The following ATAD5 variants were observed in gnomAD, a reference collection of about 807,000 sequenced individuals.
The protein encoded by ATAD5 is ATPase family AAA domain containing 5.
In ATAD5, 58 loss-of-function variants were observed where a neutral mutation model predicts 176.9. That is an observed-to-expected ratio of 0.33 (90% confidence interval 0.27 to 0.41). The LOEUF (loss-of-function observed/expected upper bound fraction) is 0.41. Among genes scored for constraint, ATAD5 ranks in the 10% least tolerant of loss-of-function variants. The pLI is 1.00. For synonymous variants in ATAD5, 640 were observed against 712.6 expected (o/e 0.90, Z 1.62); for missense variants, 1,789 against 2,094.1 (o/e 0.85, Z 2.84).
intron 7 of ATAD5, among the ~76,000 whole-genome samples, chr17:30,856,591 G>C (rs979537195): frequency 6.6e-6 from 1 of 152,126 alleles, no homozygotes; most frequent in African/African-American, 2.4e-5. Context: ...TGGGATTGCT[G>C]GTCTCGAACT....
At position 30,832,035 on chromosome 17, in the gene ATAD5, C is replaced by G. The variant is rs1334003321; in HGVS notation, c.-313C>G. 1 of 374,808 alleles carries G rather than the reference C, an allele frequency of 2.7e-6. No individual in the cohort carries two copies. The highest frequency in any genetic ancestry group is 4.7e-6 in the Non-Finnish European group (1 of 211,488). 23.2% of individuals were successfully genotyped at this position (374,808 alleles called of 1,614,324 possible). The stretch of plus-strand genomic sequence containing the variant: ...GAAGCTCTGTGGTCCGATCTGCGGT[C>G]CGCTTGCTTTCCCTGCCCGGTCCCG... On this transcript the variant is annotated 5_prime_UTR_variant, in exon 1 of 23. Coordinates refer to ENST00000321990, the MANE Select transcript of ATAD5 (RefSeq NM_024857.5).
At position 30,832,357 on chromosome 17, in the gene ATAD5, G is replaced by A. The variant is rs762253259; in HGVS notation, c.10G>A (p.Val4Ile). Residue 4 changes from valine (V) to isoleucine (I), a missense_variant, in exon 1 of 23, where the codon GTC becomes ATC. Val to Ile is a conservative substitution (Grantham distance 29). Around this residue, in one of 6 missense-constraint regions of ATAD5, gnomAD observed 696 missense variants for 712.5 expected, o/e 0.98. Coordinates refer to ENST00000321990, the MANE Select transcript of ATAD5 (RefSeq NM_024857.5). MVG[V>I]LAMAAAAAPP... ...CCGGGAAGCGGGGAGTATGGTGGGG[G>A]TCCTGGCCATGGCGGCTGCAGCTGC... 3.2e-6 allele frequency: 5 copies of A among 1,563,212 alleles called. No homozygotes were observed. The South Asian group carries it at 3.6e-5, about 11-fold the overall frequency.
At chr17:30,860,685 A>C (rs985107073) in intron 10 of ATAD5, 73 bp downstream of exon 10, 1 of 1,259,798 alleles carries the variant, frequency 7.9e-7, no homozygotes. Flanking sequence ...AAAGCAGTAG[A>C]AGATTTTGAT....
In ATAD5 at chr17:30,855,165, C is replaced by G. The variant is rs1907218521; in HGVS notation, c.2473C>G (p.Gln825Glu). ...AAGTCAAGATACATCTGAAAAATCT[C>G]AGGATTGTGATGTTCAATGTAAAGC... is the stretch of plus-strand genomic sequence containing the variant. ...ESSQDTSEKSQDCDVQCKAKR... is the reference protein window; with the variant it reads ...ESSQDTSEKSEDCDVQCKAKR... Residue 825 changes from glutamine to glutamate, a missense_variant, in exon 7 of 23, where the codon CAG becomes GAG. Around this residue, in one of 6 missense-constraint regions of ATAD5, gnomAD observed 487 missense variants for 573.6 expected, o/e 0.85. Coordinates refer to ENST00000321990, the MANE Select transcript of ATAD5 (RefSeq NM_024857.5). 3.1e-6 allele frequency: 5 copies of G among 1,602,052 alleles called. No homozygotes were observed. Among genetic ancestry groups the G allele is most frequent in the Non-Finnish European group, 4.2e-6 (5 of 1,176,548 alleles).
intron 14 of ATAD5, among the ~76,000 whole-genome samples, chr17:30,871,136 C>CTATT (rs78459912): frequency 0.23 from 33,948 of 147,554 alleles, 5,991 homozygotes; most frequent in African/African-American, 0.5. Flanking sequence ...GTTGTTATTA[C>CTATT]TATTCAAGTT....
chr17:30,844,747 CAAAAAAAAAA>C lies in ATAD5; in HGVS notation c.2369-72_2369-63del, dbSNP rs569986111. On this transcript the variant is annotated intron_variant, in intron 5 of 22. Coordinates refer to ENST00000321990, the MANE Select transcript of ATAD5 (RefSeq NM_024857.5). ...TGGGCTACAGAGTGAGACTCCATCT[CAAAAAAAAAA>C]AAAAAAAAAAAAAAAGAAAGTAGCT... 19 of 346,990 alleles carry C rather than the reference CAAAAAAAAAA, an allele frequency of 5.5e-5. 1 individual carries two copies. Among genetic ancestry groups the C allele is most frequent in the South Asian group, 1.6e-4 (7 of 44,542 alleles). The allele number at this position is 346,990 out of a possible 1,614,324, so 21.5% of individuals were successfully genotyped here.
At chr17:30,887,454 T>C in intron 19 of ATAD5, 82 bp downstream of exon 19, 1 of 1,196,200 alleles carries the variant, frequency 8.4e-7, no homozygotes, top group Non-Finnish European at 1.2e-6. Flanking sequence ...CAGTGGCTCA[T>C]GCCTGTAATC....
Position 30,835,095 on chromosome 17 carries a change from A to C in ATAD5, c.1014A>C (p.Lys338Asn). 1.9e-6 allele frequency: 3 copies of C among 1,614,146 alleles called. No individual in the cohort carries two copies. The highest frequency in any genetic ancestry group is 2.5e-6 in the Non-Finnish European group (3 of 1,180,018). Residue 338 changes from lysine (K) to asparagine (N), a missense_variant, in exon 2 of 23, where the codon AAA (lysine) becomes AAC (asparagine). Coordinates refer to ENST00000321990, the MANE Select transcript of ATAD5 (RefSeq NM_024857.5). ...VHPIPPKKTG[K>N]IPRIFLKQKQ... ...CTATTCCGCCCAAAAAGACAGGGAAAATACCCCGAATTTTCTTGAAACAAA... is the reference window on the plus strand; with the variant it reads ...CTATTCCGCCCAAAAAGACAGGGAACATACCCCGAATTTTCTTGAAACAAA...
intron 14 of ATAD5, among the ~76,000 whole-genome samples, chr17:30,873,586 G>A (rs1014220892): frequency 6.6e-6 from 1 of 151,914 alleles, no homozygotes; most frequent in Admixed American, 6.6e-5. Context: ...TTGAAGTGCT[G>A]GGATTACAGG....
In ATAD5 at chr17:30,873,598, G is replaced by A. The variant is rs139877897; in HGVS notation, c.3608-2776G>A. On this transcript the variant is annotated intron_variant, in intron 14 of 22. Coordinates refer to ENST00000321990, the MANE Select transcript of ATAD5 (RefSeq NM_024857.5). ...TTCTTGAAGTGCTGGGATTACAGGC[G>A]TGAGCCACTGTGCCTGGCCAATTTT... Among the ~76,000 whole-genome samples, 357 of 151,900 alleles carry A rather than the reference G, an allele frequency of 2.4e-3. 1 individual carries two copies. The highest frequency in any genetic ancestry group is 8.0e-3 in the African/African-American group (333 of 41,430).
intron 20 of ATAD5, among the ~76,000 whole-genome samples, 177 bp from the exon 21 acceptor site, chr17:30,893,117 A>C (rs1021943045): frequency 2.0e-5 from 3 of 152,164 alleles, no homozygotes; most frequent in African/African-American, 7.2e-5. Flanking sequence ...AATCGTCTAA[A>C]TTTAATTTTT....
intron 19 of ATAD5, among the ~76,000 whole-genome samples, chr17:30,889,251 C>T (rs1308697938): frequency 1.3e-5 from 2 of 148,796 alleles, no homozygotes; most frequent in African/African-American, 4.9e-5. Context: ...TCATAATGCA[C>T]AGCCCTGAAC....
At chr17:30,844,575 C>A (rs1356630879) in intron 5 of ATAD5, among the ~76,000 whole-genome samples, 2 of 135,402 alleles carry the variant, frequency 1.5e-5, no homozygotes, top group Non-Finnish European at 3.1e-5. Flanking sequence ...GTGACAGAGT[C>A]TTGCTCTACT....
intron 19 of ATAD5, 27 bp from the exon 20 acceptor site, chr17:30,892,580 G>C: frequency 1.3e-6 from 2 of 1,494,958 alleles, no homozygotes; most frequent in Non-Finnish European, 1.8e-6. Context: ...TACATATATA[G>C]AGCTAAGATT....
chr17:30,843,652 A>G (rs1458768296), intron 4 of ATAD5, among the ~76,000 whole-genome samples: 1 of 151,074 alleles, frequency 6.6e-6, no homozygotes, highest in Non-Finnish European at 1.5e-5. Context: ...TCCATTTCAA[A>G]AAAAAAAAAA....
intron 14 of ATAD5, among the ~76,000 whole-genome samples, chr17:30,872,674 GC>G (rs2142405648): frequency 6.6e-6 from 1 of 151,656 alleles, no homozygotes; most frequent in African/African-American, 2.4e-5. Context: ...TCCTGCCTCA[GC>G]CTCTTAAGTA....
At chr17:30,843,818 T>C in intron 4 of ATAD5, 95 bp from the exon 5 acceptor site, 1 of 718,620 alleles carries the variant, frequency 1.4e-6, no homozygotes. Flanking sequence ...CTGCTAATTA[T>C]GTTTTCTGTG....
chr17:30,845,144 A>T (rs940955596), intron 6 of ATAD5, among the ~76,000 whole-genome samples: 1 of 152,210 alleles, frequency 6.6e-6, no homozygotes, highest in Non-Finnish European at 1.5e-5. Flanking sequence ...AACCAAAAAT[A>T]CAAAAAAGCT....
At position 30,878,000 on chromosome 17, in the gene ATAD5, T is replaced by C. The variant is rs1470431855; in HGVS notation, c.3919-3T>C. The C allele has an allele frequency of 6.9e-6, 11 of 1,590,172 alleles. No homozygotes were observed. In the Admixed American group the frequency reaches 8.4e-5, roughly 12 times the overall value. On this transcript the variant is annotated splice_region_variant and splice_polypyrimidine_tract_variant and intron_variant, in intron 16 of 22. Transcript: ENST00000321990. ...AATATATTAATATTCTAATAAACTGTAGGTTGATGTAATTTTTGATGAAGA... is the reference window on the plus strand; with the variant it reads ...AATATATTAATATTCTAATAAACTGCAGGTTGATGTAATTTTTGATGAAGA...
Sources: gnomAD v4.1 joint callset for allele counts (sites outside exome capture counted in the v4.1 genomes callset) on GRCh38, gnomAD v4.1.1 for gene constraint, gnomAD v4.1.1 regional missense constraint, MANE v1.5 for transcripts, NCBI Gene and HGNC (gene_info 2026-07-23, HGNC 2026-07-21) for gene names.